DPCD: variants seen among roughly 807,000 people sequenced by gnomAD.
DPCD encodes the protein protein DPCD.
A neutral mutation model predicts 26.4 loss-of-function variants in DPCD; 20 were observed. The observed-to-expected ratio is 0.76, with a 90% CI of 0.53 to 1.10. The LOEUF (loss-of-function observed/expected upper bound fraction) is 1.10, where lower values mean the gene tolerates loss of function less well. Ranked by LOEUF, DPCD falls within the 50% of genes least tolerant of loss-of-function variation. The pLI, the probability that DPCD is intolerant of heterozygous loss-of-function variation, is 0.00. For synonymous variants in DPCD, 97 were observed against 94.2 expected, an observed-to-expected ratio of 1.03 and a Z score of -0.17; for missense variants, 202 against 253.9, an observed-to-expected ratio of 0.80 and a Z score of 1.39.
rs1375662633 is a variant in DPCD at position 101,600,446 on chromosome 10, TC to T, written c.146-291del. 6.6e-6 allele frequency among the ~76,000 whole-genome samples: 1 copy of T among 152,210 alleles called. No homozygotes were observed. Among genetic ancestry groups the T allele is most frequent in the Non-Finnish European group, 1.5e-5 (1 of 68,032 alleles). ...TTGCTTGAAGCCACACCTGAGGGTT[TC>T]TTGACTCCACTTGGCTCTTCTCAGA... On this transcript the variant is annotated intron_variant, in intron 2 of 5. Transcript: ENST00000370151. The surrounding 1 kb of genome is among the most constrained non-coding windows in gnomAD (Gnocchi z 4.7).
intron 5 of DPCD, 33 bp from the exon 6 acceptor site, chr10:101,609,334 G>A: frequency 1.2e-6 from 2 of 1,608,814 alleles, no homozygotes. Flanking sequence ...GACAGTGACT[G>A]AATTATTTTC....
intron 4 of DPCD, among the ~76,000 whole-genome samples, chr10:101,607,036 A>G (rs534978137): frequency 3.3e-5 from 5 of 152,256 alleles, no homozygotes; most frequent in African/African-American, 1.2e-4. Flanking sequence ...GGTGCAAGCT[A>G]TGCACCTAAA....
rs568961877 is a variant in DPCD at position 101,593,112 on chromosome 10, G to A, written c.65-1546G>A. 1.4e-4 allele frequency among the ~76,000 whole-genome samples: 22 copies of A among 152,300 alleles called. 1 individual carries two copies. The South Asian group carries it at 3.5e-3, about 24-fold the overall frequency. The stretch of plus-strand genomic sequence containing the variant: ...ATTTGATAAGACATGTGAAATGCCT[G>A]GATTTAGTAAGCGCTGCATCCTGCC... On this transcript the variant is annotated intron_variant, in intron 1 of 5. Transcript: ENST00000370151.
chr10:101,608,809 C>G, intron 4 of DPCD, 26 bp from the exon 5 acceptor site: 2 of 1,564,196 alleles, frequency 1.3e-6, no homozygotes, highest in Non-Finnish European at 1.8e-6. Flanking sequence ...GCCGAGTGCC[C>G]CAATGGCCTC....
In DPCD at chr10:101,605,559, G is replaced by T. The variant is rs192137215; in HGVS notation, c.405-3276G>T. ...TGACCTGTCCGGGGTCACAAGGCAG[G>T]GCCAGGAGTTCTGCTACAAGCCTTT... On this transcript the variant is annotated intron_variant, in intron 4 of 5. Transcript: ENST00000370151. Among the ~76,000 whole-genome samples the T allele has an allele frequency of 2.0e-3, 309 of 152,288 alleles. 3 individuals carry two copies. The highest frequency in any genetic ancestry group is 6.9e-3 in the African/African-American group (285 of 41,538).
intron 4 of DPCD, among the ~76,000 whole-genome samples, chr10:101,602,947 G>A (rs1360106502): frequency 6.6e-6 from 1 of 152,264 alleles, no homozygotes; most frequent in Non-Finnish European, 1.5e-5. Flanking sequence ...CCCATCTCCT[G>A]CGCACATCCA....
chr10:101,602,030 C>T lies in DPCD; in HGVS notation c.404+694C>T, dbSNP rs192264068. Among the ~76,000 whole-genome samples the T allele has an allele frequency of 3.5e-3, 535 of 152,252 alleles. 4 individuals carry two copies. Among genetic ancestry groups the T allele is most frequent in the African/African-American group, 0.012 (499 of 41,526 alleles). On this transcript the variant is annotated intron_variant, in intron 4 of 5. Coordinates refer to ENST00000370151, the MANE Select transcript of DPCD (RefSeq NM_015448.3). ...ATTGATCTCATTTAGGTTTCTGGAGCCCTGACTGATCACAGGAGAACAATG... is the reference window on the plus strand; with the variant it reads ...ATTGATCTCATTTAGGTTTCTGGAGTCCTGACTGATCACAGGAGAACAATG...
chr10:101,597,404 A>T (rs1230935505), intron 2 of DPCD, among the ~76,000 whole-genome samples: 1 of 152,238 alleles, frequency 6.6e-6, no homozygotes, highest in Non-Finnish European at 1.5e-5. Context: ...ATCCAGTTGA[A>T]GCTGCAGGGA....
chr10:101,601,156 C>G (rs370354731), intron 3 of DPCD, 47 bp from the exon 4 acceptor site: 1 of 1,610,738 alleles, frequency 6.2e-7, no homozygotes, highest in Non-Finnish European at 8.5e-7. Context: ...AGGGTGGAGC[C>G]TTCCCTTCCC....
chr10:101,590,341 TGAA>T lies in DPCD; in HGVS notation c.64+1944_64+1946del, dbSNP rs754973050. Among the ~76,000 whole-genome samples the T allele has an allele frequency of 2.0e-4, 30 of 152,170 alleles. 1 individual carries two copies. The East Asian group carries it at 5.8e-3, about 29-fold the overall frequency. ...AGCAATGAGGGGAAGTTGTGGAAAA[TGAA>T]GAGAGATGACAGATAAGTTGGGACA... On this transcript the variant is annotated intron_variant, in intron 1 of 5. Transcript: ENST00000370151.
rs2063756116 is a variant in DPCD, at chr10:101,609,258, A to C, written c.508-109A>C. The C allele has an allele frequency of 3.9e-6, 4 of 1,033,584 alleles. No homozygotes were observed. The African/African-American group carries it at 4.8e-5, about 12-fold the overall frequency. The allele number at this position is 1,033,584 out of a possible 1,614,324, so 64.0% of individuals were successfully genotyped here. A position where few individuals can be genotyped will look rare whatever the true frequency, so the allele number is the denominator to read the frequency against. On this transcript the variant is annotated intron_variant, in intron 5 of 5. Coordinates refer to ENST00000370151, the MANE Select transcript of DPCD (RefSeq NM_015448.3). ...CAAATCATTCAATCCTACAGGCCTC[A>C]ATTTTCTCGTGCAAATAAGGGGATC...
intron 4 of DPCD, among the ~76,000 whole-genome samples, chr10:101,606,907 G>A (rs564465698): frequency 6.6e-6 from 1 of 152,198 alleles, no homozygotes; most frequent in Non-Finnish European, 1.5e-5. Context: ...CTTCTAAGAA[G>A]TTGGTTAACC....
At chr10:101,588,583 C>T (rs1483633916) in intron 1 of DPCD, 183 bp downstream of exon 1, 1 of 1,425,406 alleles carries the variant, frequency 7.0e-7, no homozygotes, top group African/African-American at 1.4e-5. Flanking sequence ...ACACATGTCT[C>T]CGGACACCCC....
intron 2 of DPCD, 90 bp downstream of exon 2, chr10:101,594,828 G>T: frequency 7.9e-7 from 1 of 1,259,130 alleles, no homozygotes; most frequent in Admixed American, 1.8e-5. Flanking sequence ...CTTGAGGTAG[G>T]AGCCCAGATC....
chr10:101,588,981 G>C (rs2063540209), intron 1 of DPCD, among the ~76,000 whole-genome samples: 1 of 152,214 alleles, frequency 6.6e-6, no homozygotes, highest in African/African-American at 2.4e-5. Flanking sequence ...AAGAACCAAG[G>C]GCTGTGCCTG....
chr10:101,597,862 A>C (rs2063665345), intron 2 of DPCD, among the ~76,000 whole-genome samples: 1 of 152,212 alleles, frequency 6.6e-6, no homozygotes, highest in African/African-American at 2.4e-5. Context: ...ACACCCATGC[A>C]CTTGTGCATA....
rs1428683579 is a variant in DPCD at position 101,588,358 on chromosome 10, G to T, written c.22G>T (p.Glu8Ter). 6.3e-7 allele frequency: 1 copy of T among 1,599,860 alleles called. No individual in the cohort carries two copies. The highest frequency in any genetic ancestry group is 2.3e-5 in the East Asian group (1 of 44,436). The change falls in exon 1 of 6, where the codon GAG (glutamate) becomes TAG (stop). Residue 8 changes from glutamate (E) to a stop codon, truncating the protein, a stop_gained. Coordinates refer to ENST00000370151, the MANE Select transcript of DPCD (RefSeq NM_015448.3). LOFTEE classifies it high-confidence loss of function. MAVTGWL[E>*]SLRTAQKTAL... ...AAAGATGGCGGTGACGGGCTGGTTG[G>T]AGAGTCTGCGGACAGCCCAGAAGAC...
chr10:101,600,966 C>T lies in DPCD; in HGVS notation c.270+104C>T. 4 of 1,560,228 alleles carry T rather than the reference C, an allele frequency of 2.6e-6. No homozygotes were observed. Among genetic ancestry groups the T allele is most frequent in the Non-Finnish European group, 3.5e-6 (4 of 1,154,100 alleles). ...CCATGTCTTGTTCACCTCCTCGCCT[C>T]CAGTGTGCCACCTGGACACAGCACT... On this transcript the variant is annotated intron_variant, in intron 3 of 5. Coordinates refer to ENST00000370151, the MANE Select transcript of DPCD (RefSeq NM_015448.3). This position sits in a 1 kb window ranked among gnomAD's most constrained non-coding sequence, Gnocchi z 4.7.
intron 4 of DPCD, among the ~76,000 whole-genome samples, chr10:101,604,572 C>T (rs2063720856): frequency 6.6e-6 from 1 of 152,206 alleles, no homozygotes; most frequent in African/African-American, 2.4e-5. Flanking sequence ...GAAAAAAGTG[C>T]TTTTCCAGGA....
Sources: allele counts gnomAD v4.1 joint callset (sites outside exome capture counted in the v4.1 genomes callset), GRCh38; gene constraint gnomAD v4.1.1; non-coding constraint Gnocchi (gnomAD v3.1); transcripts MANE v1.5; gene names NCBI Gene and HGNC (gene_info 2026-07-23, HGNC 2026-07-21).